CFAP299: variants seen among roughly 807,000 people sequenced by gnomAD.
The protein encoded by CFAP299 is cilia and flagella associated protein 299, also known as cilia- and flagella-associated protein 299.
CFAP299 carries 21 observed loss-of-function variants against 27.0 expected under a neutral mutation model. The ratio of observed to expected loss-of-function variants is 0.78; its 90% confidence interval spans 0.55 to 1.12. The LOEUF (loss-of-function observed/expected upper bound fraction) is 1.12. Ranked by LOEUF, CFAP299 falls within the 50% of genes most tolerant of loss-of-function variation. The pLI is 0.00. For synonymous variants in CFAP299, 104 were observed against 98.1 expected (o/e 1.06, Z -0.36); for missense variants, 310 against 276.6 (o/e 1.12, Z -0.86).
chr4:80,785,845 A>G (rs1268807679), intron 3 of CFAP299, among the ~76,000 whole-genome samples: 1 of 152,150 alleles, frequency 6.6e-6, no homozygotes, highest in African/African-American at 2.4e-5. Context: ...AGAGTCTATA[A>G]GTGGTTTCAT....
intron 3 of CFAP299, among the ~76,000 whole-genome samples, chr4:80,802,082 A>G (rs1728641849): frequency 6.6e-6 from 1 of 152,110 alleles, no homozygotes; most frequent in African/African-American, 2.4e-5. Context: ...TTCAAAATGA[A>G]TTAGTTTAAA....
chr4:80,718,777 C>T (rs961444868), intron 3 of CFAP299, among the ~76,000 whole-genome samples: 1 of 151,830 alleles, frequency 6.6e-6, no homozygotes, highest in South Asian at 2.1e-4. Flanking sequence ...AAGGGAAAAA[C>T]AAACTAAAAT....
chr4:80,840,009 G>C (rs1182920727), intron 3 of CFAP299, among the ~76,000 whole-genome samples: 1 of 152,138 alleles, frequency 6.6e-6, no homozygotes, highest in Non-Finnish European at 1.5e-5. Context: ...AGTTGCAAAT[G>C]AGATAATTCT....
intron 4 of CFAP299, chr4:80,870,337 C>T: frequency 8.1e-7 from 1 of 1,235,076 alleles, no homozygotes; most frequent in Non-Finnish European, 1.0e-6. Flanking sequence ...AAAAAGGATT[C>T]TTCAGAGACA....
intron 4 of CFAP299, among the ~76,000 whole-genome samples, chr4:80,940,835 T>G (rs902309364): frequency 6.6e-6 from 1 of 152,184 alleles, no homozygotes; most frequent in Non-Finnish European, 1.5e-5. Context: ...CCTAATCAGT[T>G]GAAGGCCTAA....
At chr4:80,783,815 A>C (rs948226332) in intron 3 of CFAP299, among the ~76,000 whole-genome samples, 8 of 152,110 alleles carry the variant, frequency 5.3e-5, no homozygotes, top group Non-Finnish European at 1.2e-4. Flanking sequence ...TTTTGCTTTA[A>C]GTTTCCATTT....
intron 3 of CFAP299, among the ~76,000 whole-genome samples, chr4:80,862,602 G>A (rs1369522192): frequency 6.6e-6 from 1 of 152,040 alleles, no homozygotes; most frequent in African/African-American, 2.4e-5. Flanking sequence ...CTTTTGCAAT[G>A]ACATTTGGTT....
chr4:80,518,206 C>A (rs1353464402), intron 2 of CFAP299, among the ~76,000 whole-genome samples: 1 of 151,920 alleles, frequency 6.6e-6, no homozygotes, highest in East Asian at 1.9e-4. Context: ...AATTGGTGTA[C>A]AGGAAATGAT....
intron 3 of CFAP299, among the ~76,000 whole-genome samples, chr4:80,638,452 T>C (rs1320087370): frequency 6.6e-6 from 1 of 152,098 alleles, no homozygotes; most frequent in Admixed American, 6.5e-5. Flanking sequence ...AAGGTTGACA[T>C]GAAAAATACA....
chr4:80,430,304 G>A (rs1727748000), intron 2 of CFAP299, among the ~76,000 whole-genome samples: 1 of 152,182 alleles, frequency 6.6e-6, no homozygotes, highest in Admixed American at 6.5e-5. Flanking sequence ...CCAGTTCTCA[G>A]TCCTCATCTT....
chr4:80,454,486 G>A lies in CFAP299; in HGVS notation c.242+91602G>A, dbSNP rs574850928. Among the ~76,000 whole-genome samples, 35 of 152,156 alleles carry A rather than the reference G, an allele frequency of 2.3e-4. No individual in the cohort carries two copies. The South Asian group carries it at 6.8e-3, about 30-fold the overall frequency. The stretch of plus-strand genomic sequence containing the variant: ...AAATTCTGGAATATAGGAGTCCTTG[G>A]GCATGAGAACCAGCTCACCCCCAAA... On this transcript the variant is annotated intron_variant, in intron 2 of 5. Transcript: ENST00000358105.
chr4:80,542,167 G>A (rs1003416262), intron 2 of CFAP299, among the ~76,000 whole-genome samples: 7 of 152,062 alleles, frequency 4.6e-5, no homozygotes, highest in South Asian at 2.1e-4. Flanking sequence ...GCCTCCCAGC[G>A]GCTCTCAGGC....
intron 2 of CFAP299, among the ~76,000 whole-genome samples, chr4:80,416,774 C>T (rs1028004976): frequency 2.0e-5 from 3 of 152,118 alleles, no homozygotes; most frequent in Non-Finnish European, 2.9e-5. Flanking sequence ...TGGTAAGGTT[C>T]GTAACACTGA....
At chr4:80,637,056 A>G (rs1463469214) in intron 3 of CFAP299, among the ~76,000 whole-genome samples, 1 of 152,178 alleles carries the variant, frequency 6.6e-6, no homozygotes, top group Non-Finnish European at 1.5e-5. Flanking sequence ...TAAAACAAAG[A>G]CTATGAAACA....
chr4:80,564,071 T>C (rs1735167172), intron 2 of CFAP299, among the ~76,000 whole-genome samples: 1 of 152,014 alleles, frequency 6.6e-6, no homozygotes, highest in Non-Finnish European at 1.5e-5. Flanking sequence ...GCCTGGGACC[T>C]GATGGCTTCA....
chr4:80,393,187 A>G (rs942495852), intron 2 of CFAP299, among the ~76,000 whole-genome samples: 2 of 152,194 alleles, frequency 1.3e-5, no homozygotes, highest in Non-Finnish European at 2.9e-5. Context: ...TGCCTATAGA[A>G]TCAGGATATT....
chr4:80,522,473 G>C (rs919018917), intron 2 of CFAP299, among the ~76,000 whole-genome samples: 4 of 151,988 alleles, frequency 2.6e-5, no homozygotes, highest in Admixed American at 6.6e-5. Flanking sequence ...TCTGTTGATG[G>C]TTCCCTTGGC....
chr4:80,397,667 G>A (rs1578399118), intron 2 of CFAP299, among the ~76,000 whole-genome samples: 1 of 152,032 alleles, frequency 6.6e-6, no homozygotes, highest in East Asian at 1.9e-4. Context: ...CAATAAATTA[G>A]GTATTGATGG....
intron 2 of CFAP299, among the ~76,000 whole-genome samples, chr4:80,396,096 T>G (rs1292878469): frequency 6.6e-6 from 1 of 152,306 alleles, no homozygotes; most frequent in East Asian, 1.9e-4. Flanking sequence ...GCCAAGTTTG[T>G]CAGCATTCTC....
Sources: allele counts gnomAD v4.1 joint callset (sites outside exome capture counted in the v4.1 genomes callset), GRCh38; gene constraint gnomAD v4.1.1; transcripts MANE v1.5; gene names NCBI Gene and HGNC (gene_info 2026-07-23, HGNC 2026-07-21).